PPP1R9A: variants seen among roughly 807,000 people sequenced by gnomAD.
PPP1R9A encodes neurabin-1.
A neutral mutation model predicts 141.9 loss-of-function variants in PPP1R9A; 59 were observed. The observed-to-expected ratio is 0.42, with a 90% CI of 0.34 to 0.52. The LOEUF (loss-of-function observed/expected upper bound fraction) is 0.52, where lower values mean the gene tolerates loss of function less well. Among genes scored for constraint, PPP1R9A ranks in the 20% least tolerant of loss-of-function variants. The pLI is 0.10. For synonymous variants in PPP1R9A, 500 were observed against 569.7 expected, an observed-to-expected ratio of 0.88 and a Z score of 1.74; for missense variants, 1,444 against 1,611.9, an observed-to-expected ratio of 0.90 and a Z score of 1.78.
chr7:95,063,216 T>G (rs187533445), intron 2 of PPP1R9A, among the ~76,000 whole-genome samples: 1 of 152,310 alleles, frequency 6.6e-6, no homozygotes, highest in East Asian at 1.9e-4. Flanking sequence ...GTAAGAATGT[T>G]TCATGTCACA....
chr7:94,985,942 G>A (rs1411965909), intron 2 of PPP1R9A, among the ~76,000 whole-genome samples: 4 of 152,174 alleles, frequency 2.6e-5, no homozygotes, highest in Non-Finnish European at 5.9e-5. Flanking sequence ...AGGAAGATTT[G>A]GCTGTTGGGA....
intron 12 of PPP1R9A, among the ~76,000 whole-genome samples, chr7:95,261,525 T>G (rs1055403330): frequency 4.8e-5 from 7 of 146,866 alleles, no homozygotes; most frequent in Non-Finnish European, 1.0e-4. Context: ...ACACTAAGGG[T>G]TTTTTTTTGA....
chr7:95,000,301 C>T (rs942836097), intron 2 of PPP1R9A, among the ~76,000 whole-genome samples: 1 of 152,124 alleles, frequency 6.6e-6, no homozygotes, highest in Non-Finnish European at 1.5e-5. Flanking sequence ...GTGCACATGA[C>T]AGGCCTAACA....
chr7:94,995,636 C>T (rs899819161), intron 2 of PPP1R9A, among the ~76,000 whole-genome samples: 2 of 151,996 alleles, frequency 1.3e-5, no homozygotes, highest in African/African-American at 4.8e-5. Context: ...ATAATTTTCA[C>T]ATCTAGAAGC....
chr7:95,107,273 A>G (rs1052863230), intron 2 of PPP1R9A, among the ~76,000 whole-genome samples: 3 of 152,216 alleles, frequency 2.0e-5, no homozygotes, highest in Non-Finnish European at 4.4e-5. Context: ...TTGAGTTGAT[A>G]AAGCCCTTTA....
intron 19 of PPP1R9A, among the ~76,000 whole-genome samples, chr7:95,289,080 T>G (rs1472492222): frequency 6.6e-6 from 1 of 152,168 alleles, no homozygotes; most frequent in African/African-American, 2.4e-5. Context: ...CCACGAGTCT[T>G]CTTTTCCTTG....
intron 2 of PPP1R9A, among the ~76,000 whole-genome samples, chr7:95,080,657 G>C (rs1187476661): frequency 1.3e-5 from 2 of 152,146 alleles, no homozygotes; most frequent in Non-Finnish European, 2.9e-5. Flanking sequence ...AAAGAACAAA[G>C]CTGGAGGCAT....
chr7:95,280,589 A>ACATT (rs1804012987), intron 16 of PPP1R9A, among the ~76,000 whole-genome samples: 1 of 152,198 alleles, frequency 6.6e-6, no homozygotes, highest in Non-Finnish European at 1.5e-5. Flanking sequence ...GATTATGAGG[A>ACATT]CGAATTTGAA....
chr7:94,999,295 A>G (rs1036444431), intron 2 of PPP1R9A, among the ~76,000 whole-genome samples: 1 of 152,172 alleles, frequency 6.6e-6, no homozygotes, highest in Non-Finnish European at 1.5e-5. Context: ...TCTAAGAGCT[A>G]CAGTTTAATT....
intron 2 of PPP1R9A, among the ~76,000 whole-genome samples, chr7:95,038,958 C>T (rs1808831939): frequency 6.6e-6 from 1 of 152,138 alleles, no homozygotes; most frequent in Non-Finnish European, 1.5e-5. Flanking sequence ...CACCCTACAG[C>T]AAACGTTAGA....
At position 94,931,029 on chromosome 7, in the gene PPP1R9A, C is replaced by T. The variant is rs17166538; in HGVS notation, c.1395+19521C>T. Among the ~76,000 whole-genome samples, 946 of 152,214 alleles carry T rather than the reference C, an allele frequency of 6.2e-3. 10 individuals are homozygous for T. The highest frequency in any genetic ancestry group is 0.021 in the African/African-American group (879 of 41,542). On this transcript the variant is annotated intron_variant, in intron 2 of 19. Coordinates refer to ENST00000433360, the MANE Select transcript of PPP1R9A (RefSeq NM_001166160.2). Reference sequence around the variant, plus strand: ...TGTTGCCTTCTGTAGAATGATTTTGCCTGGTCAGCTGGAAGTTTTTCTTTT... The same window carrying T: ...TGTTGCCTTCTGTAGAATGATTTTGTCTGGTCAGCTGGAAGTTTTTCTTTT...
At position 95,246,885 on chromosome 7, in the gene PPP1R9A, A is replaced by C. The variant is rs1390867123; in HGVS notation, c.2113-588A>C. ...GGGGGTCTGAGTCTTCAAAAGGAGCAGATCTTTTGGAGGACAGAAATCTGG... is the reference window on the plus strand; with the variant it reads ...GGGGGTCTGAGTCTTCAAAAGGAGCCGATCTTTTGGAGGACAGAAATCTGG... On this transcript the variant is annotated intron_variant, in intron 8 of 19. Coordinates refer to ENST00000433360, the MANE Select transcript of PPP1R9A (RefSeq NM_001166160.2). Among the ~76,000 whole-genome samples the C allele has an allele frequency of 2.0e-5, 3 of 152,168 alleles. No homozygotes were observed. The South Asian group carries it at 6.2e-4, about 32-fold the overall frequency.
Position 95,290,463 on chromosome 7 carries a change from T to C in PPP1R9A, c.*160T>C, listed in dbSNP as rs972879525. On this transcript the variant is annotated 3_prime_UTR_variant, in exon 20 of 20. Coordinates refer to ENST00000433360, the MANE Select transcript of PPP1R9A (RefSeq NM_001166160.2). ...TGTTGAATAACTGCATTTTCTGCAA[T>C]AGAATGCACTCTTAATTTTAACTAC... The C allele has an allele frequency of 4.0e-6, 3 of 756,124 alleles. No individual in the cohort carries two copies. The highest frequency in any genetic ancestry group is 6.2e-6 in the Non-Finnish European group (3 of 482,344). 46.8% of individuals were successfully genotyped at this position (756,124 alleles called of 1,614,324 possible). A position where few individuals can be genotyped will look rare whatever the true frequency, so the allele number is the denominator to read the frequency against.
At chr7:95,251,294 G>C (rs776932827) in intron 10 of PPP1R9A, among the ~76,000 whole-genome samples, 2 of 152,052 alleles carry the variant, frequency 1.3e-5, no homozygotes, top group African/African-American at 2.4e-5. Flanking sequence ...ATAAGTGAGT[G>C]CCCCTCTCGA....
intron 12 of PPP1R9A, among the ~76,000 whole-genome samples, chr7:95,261,427 A>G (rs904042094): frequency 1.3e-5 from 2 of 152,236 alleles, no homozygotes; most frequent in South Asian, 2.1e-4. Flanking sequence ...TCTAAGACCT[A>G]TAAGGAATAA....
intron 5 of PPP1R9A, among the ~76,000 whole-genome samples, chr7:95,173,252 GTAGGTAATA>G (rs1179494526): frequency 2.0e-5 from 3 of 151,892 alleles, no homozygotes; most frequent in Non-Finnish European, 2.9e-5. Context: ...GGGAAACGCT[GTAGGTAATA>G]TACACTGGGG....
At chr7:95,273,770 A>G (rs1219479266) in intron 14 of PPP1R9A, 129 bp from the exon 15 acceptor site, 1 of 875,582 alleles carries the variant, frequency 1.1e-6, no homozygotes, top group Non-Finnish European at 1.7e-6. Context: ...TCGTATAAGA[A>G]GGCATTGATT....
At position 95,295,423 on chromosome 7, in the gene PPP1R9A, G is replaced by A. The variant is rs1806972750; in HGVS notation, c.*5120G>A. On this transcript the variant is annotated 3_prime_UTR_variant, in exon 20 of 20. Coordinates refer to ENST00000433360, the MANE Select transcript of PPP1R9A (RefSeq NM_001166160.2). Reference sequence around the variant, plus strand: ...TGTCAAGATTGCATATTGCTGAGTTGGAGCTCAGAAGAAATGTATGCAGCT... The same window carrying A: ...TGTCAAGATTGCATATTGCTGAGTTAGAGCTCAGAAGAAATGTATGCAGCT... 2 of 152,556 alleles carry A rather than the reference G, an allele frequency of 1.3e-5. No individual in the cohort carries two copies. Among genetic ancestry groups the A allele is most frequent in the African/African-American group, 4.8e-5 (2 of 41,434 alleles). The allele number at this position is 152,556 out of a possible 1,614,324, so 9.5% of individuals were successfully genotyped here.
At chr7:95,169,146 A>G (rs1336068274) in intron 5 of PPP1R9A, among the ~76,000 whole-genome samples, 1 of 152,048 alleles carries the variant, frequency 6.6e-6, no homozygotes, top group Admixed American at 6.6e-5. Context: ...CTAAGTGTCC[A>G]TCAAAGGATG....
Sources: gnomAD v4.1 joint callset for allele counts (sites outside exome capture counted in the v4.1 genomes callset) on GRCh38, gnomAD v4.1.1 for gene constraint, MANE v1.5 for transcripts, NCBI Gene and HGNC (gene_info 2026-07-23, HGNC 2026-07-21) for gene names.